The following NAV3 variants were observed in gnomAD, a reference collection of about 807,000 sequenced individuals.
NAV3 encodes the protein neuron navigator 3.
NAV3 carries 87 observed loss-of-function variants against 244.7 expected under a neutral mutation model. The ratio of observed to expected loss-of-function variants is 0.36; its 90% CI spans 0.30 to 0.42. The LOEUF (loss-of-function observed/expected upper bound fraction) is 0.42. Among genes scored for constraint, NAV3 ranks in the 20% least tolerant of loss-of-function variants. The pLI is 1.00. For missense variants in NAV3, 2,663 were observed against 2,893.3 expected (o/e 0.92, Z 1.83); for synonymous variants, 1,126 against 1,042.2 (o/e 1.08, Z -1.55).
At chr12:77,841,196 T>G (rs1413385612) in intron 1 of NAV3, among the ~76,000 whole-genome samples, 1 of 152,154 alleles carries the variant, frequency 6.6e-6, no homozygotes, top group Non-Finnish European at 1.5e-5. Context: ...GGAAAAAAAG[T>G]CACTAGATGA....
intron 2 of NAV3, among the ~76,000 whole-genome samples, chr12:77,702,724 A>G (rs1206336512): frequency 6.6e-6 from 1 of 151,968 alleles, no homozygotes; most frequent in Non-Finnish European, 1.5e-5. Context: ...TGCTATTGTT[A>G]TATTTTAGTT....
chr12:78,080,220 C>T (rs1019677008), intron 12 of NAV3, among the ~76,000 whole-genome samples: 11 of 152,148 alleles, frequency 7.2e-5, no homozygotes, highest in African/African-American at 2.7e-4. Context: ...GATTGAGACA[C>T]AAAGTATAAA....
intron 2 of NAV3, among the ~76,000 whole-genome samples, chr12:77,603,027 C>A (rs1259297092): frequency 6.6e-6 from 1 of 152,018 alleles, no homozygotes; most frequent in African/African-American, 2.4e-5. Context: ...TATAAGCATG[C>A]TATCTTGACA....
At chr12:77,726,383 T>A (rs1247427080) in intron 2 of NAV3, among the ~76,000 whole-genome samples, 1 of 151,914 alleles carries the variant, frequency 6.6e-6, no homozygotes, top group Non-Finnish European at 1.5e-5. Flanking sequence ...TTATTGTATA[T>A]CAGTTGTGTG....
intron 2 of NAV3, among the ~76,000 whole-genome samples, chr12:77,714,486 T>G (rs758854712): frequency 1.3e-5 from 2 of 152,150 alleles, no homozygotes; most frequent in Non-Finnish European, 2.9e-5. Context: ...CTTTTTAGAA[T>G]TGAAGGTACA....
At position 78,055,652 on chromosome 12, in the gene NAV3, T is replaced by C. The variant is rs531123430; in HGVS notation, c.2517-3344T>C. Among the ~76,000 whole-genome samples the C allele has an allele frequency of 3.9e-5, 6 of 152,294 alleles. No homozygotes were observed. The East Asian group carries it at 1.2e-3, about 29-fold the overall frequency. ...CAGATTTCCAGTGTTACCCTAGGCA[T>C]TGATATTCAACAGGCAAATGGCAAA... On this transcript the variant is annotated intron_variant, in intron 11 of 39. Transcript: ENST00000397909.
At position 77,838,892 on chromosome 12, in the gene NAV3, A is replaced by G. The variant is rs539543824; in HGVS notation, c.243+7188A>G. On this transcript the variant is annotated intron_variant, in intron 1 of 39. Coordinates refer to ENST00000397909, the MANE Select transcript of NAV3 (RefSeq NM_001024383.2). Reference sequence around the variant, plus strand: ...TAAAAAATGAAATGAAATGAGGATAATAGTTGCTTATAAAACTTTTCTAAG... The same window carrying G: ...TAAAAAATGAAATGAAATGAGGATAGTAGTTGCTTATAAAACTTTTCTAAG... Among the ~76,000 whole-genome samples, 5 of 152,324 alleles carry G rather than the reference A, an allele frequency of 3.3e-5. No individual in the cohort carries two copies. The East Asian group carries it at 9.6e-4, about 29-fold the overall frequency.
At chr12:77,644,446 A>C (rs2136963688) in intron 2 of NAV3, among the ~76,000 whole-genome samples, 1 of 152,144 alleles carries the variant, frequency 6.6e-6, no homozygotes, top group Non-Finnish European at 1.5e-5. Flanking sequence ...AAACAGAAGG[A>C]GTGCACAGAA....
intron 1 of NAV3, among the ~76,000 whole-genome samples, chr12:77,895,246 C>T (rs1036740992): frequency 6.6e-6 from 1 of 151,436 alleles, no homozygotes; most frequent in Non-Finnish European, 1.5e-5. Context: ...GATAGAAGGT[C>T]AACAGAAAAT....
chr12:77,633,778 C>G (rs1303485545), intron 2 of NAV3, among the ~76,000 whole-genome samples: 1 of 152,002 alleles, frequency 6.6e-6, no homozygotes, highest in Non-Finnish European at 1.5e-5. Context: ...TATTACTGAT[C>G]GAGTTTGGGA....
At chr12:77,910,869 G>C (rs916254374) in intron 1 of NAV3, among the ~76,000 whole-genome samples, 1 of 152,122 alleles carries the variant, frequency 6.6e-6, no homozygotes, top group Non-Finnish European at 1.5e-5. Flanking sequence ...AAGCATGAAA[G>C]AAAAGAGGTG....
chr12:77,948,837 A>G lies in NAV3; in HGVS notation c.414+7704A>G, dbSNP rs951925385. ...GAATTGTAATACTCCTATCTGAAAAAAATCTGTGATAGTTTATATATTTAA... is the reference window on the plus strand; with the variant it reads ...GAATTGTAATACTCCTATCTGAAAAGAATCTGTGATAGTTTATATATTTAA... On this transcript the variant is annotated intron_variant, in intron 3 of 39. Transcript: ENST00000397909. Among the ~76,000 whole-genome samples, 18 of 151,958 alleles carry G rather than the reference A, an allele frequency of 1.2e-4. 2 individuals are homozygous for G. The highest frequency in any genetic ancestry group is 9.9e-4 in the Admixed American group (15 of 15,210).
chr12:77,829,758 C>T (rs1457952885), upstream of NAV3, among the ~76,000 whole-genome samples: 1 of 152,158 alleles, frequency 6.6e-6, no homozygotes, highest in Non-Finnish European at 1.5e-5. Context: ...ATCAGCAGAA[C>T]ATATACTTTT....
chr12:77,739,530 T>C (rs1868289674), intron 2 of NAV3, among the ~76,000 whole-genome samples: 1 of 152,172 alleles, frequency 6.6e-6, no homozygotes, highest in Non-Finnish European at 1.5e-5. Context: ...TGACTCTGAC[T>C]GAACATTAAT....
chr12:77,890,381 G>A (rs1883792103), intron 1 of NAV3, among the ~76,000 whole-genome samples: 1 of 152,108 alleles, frequency 6.6e-6, no homozygotes, highest in South Asian at 2.1e-4. Context: ...CTCCCAAAGT[G>A]CTGGGATTAC....
At chr12:77,939,670 A>G (rs976720562) in intron 1 of NAV3, among the ~76,000 whole-genome samples, 1 of 152,134 alleles carries the variant, frequency 6.6e-6, no homozygotes, top group African/African-American at 2.4e-5. Context: ...ATTTTATGTC[A>G]AATTGTCAAT....
chr12:77,626,623 A>G (rs1313246404), intron 2 of NAV3, among the ~76,000 whole-genome samples: 2 of 152,160 alleles, frequency 1.3e-5, no homozygotes, highest in African/African-American at 4.8e-5. Flanking sequence ...TACACAGGCC[A>G]GGAGTGAATA....
At chr12:77,884,630 C>A (rs1350683527) in intron 1 of NAV3, among the ~76,000 whole-genome samples, 1 of 152,122 alleles carries the variant, frequency 6.6e-6, no homozygotes, top group Admixed American at 6.5e-5. Context: ...CTCATCCAAA[C>A]AGGATCTCAG....
intron 14 of NAV3, among the ~76,000 whole-genome samples, chr12:78,118,888 C>A (rs1156647038): frequency 6.6e-6 from 1 of 152,134 alleles, no homozygotes; most frequent in Non-Finnish European, 1.5e-5. Flanking sequence ...ACAGGGTACT[C>A]CAAATATAAT....
Sources: gnomAD v4.1 joint callset for allele counts (sites outside exome capture counted in the v4.1 genomes callset) on GRCh38, gnomAD v4.1.1 for gene constraint, MANE v1.5 for transcripts, NCBI Gene and HGNC (gene_info 2026-07-23, HGNC 2026-07-21) for gene names.